KCNK15: variants seen among roughly 807,000 people sequenced by gnomAD.
KCNK15 encodes the protein potassium channel subfamily K member 15.
Under a neutral mutation model 8.5 loss-of-function variants are expected in KCNK15, and 9 were observed. The observed-to-expected ratio is 1.06, with a 90% CI of 0.64 to 1.85. KCNK15 has a LOEUF of 1.85. KCNK15 is among the 40% of genes most tolerant of loss of function. KCNK15 has a pLI of 0.00. For synonymous variants in KCNK15, 224 were observed against 232.7 expected, an observed-to-expected ratio of 0.96 and a Z score of 0.34; for missense variants, 467 against 476.8, an observed-to-expected ratio of 0.98 and a Z score of 0.19.
chr20:44,748,222 C>G (rs1460410100), intron 1 of KCNK15, among the ~76,000 whole-genome samples: 2 of 152,070 alleles, frequency 1.3e-5, no homozygotes, highest in African/African-American at 4.8e-5. Context: ...TGGTTTGATT[C>G]AATAAACTCT....
chr20:44,748,649 C>T (rs190347334), intron 1 of KCNK15, among the ~76,000 whole-genome samples: 43 of 152,274 alleles, frequency 2.8e-4, no homozygotes, highest in African/African-American at 9.9e-4. Context: ...AGACGTTATA[C>T]ACACAGTTTT....
rs745470934 is a variant in KCNK15 at position 44,750,134 on chromosome 20, G to C, written c.289G>C (p.Gly97Arg). 1 of 1,606,376 alleles carries C rather than the reference G, an allele frequency of 6.2e-7. No homozygotes were observed. The highest frequency in any genetic ancestry group is 1.7e-5 in the Admixed American group (1 of 59,858). The change falls in exon 2 of 2, where the codon GGC becomes CGC. Residue 97 changes from glycine (G) to arginine (R), a missense_variant. Transcript: ENST00000372861. ...AITVITTIEY[G>R]HAAPGTDSGK... ...CCTCCGCTCTCCCTGCATAGAGTAC[G>C]GCCACGCCGCGCCGGGTACGGACTC...
chr20:44,748,351 C>A (rs2066015907), intron 1 of KCNK15, among the ~76,000 whole-genome samples: 1 of 152,082 alleles, frequency 6.6e-6, no homozygotes, highest in African/African-American at 2.4e-5. Flanking sequence ...CCCTTTCTCC[C>A]AAAAGTAACA....
In KCNK15 at chr20:44,750,258, G is replaced by A. The variant is rs749065646; in HGVS notation, c.413G>A (p.Arg138His). ...LGERLNAVVR[R>H]LLLAAKCCLG... ...GAACGGCTGAACGCGGTGGTGCGGC[G>A]CCTCCTGTTGGCGGCCAAGTGCTGC... Residue 138 changes from arginine to histidine, a missense_variant, in exon 2 of 2, where the codon CGC (arginine) becomes CAC (histidine). Around this residue, in one of 2 missense-constraint regions of KCNK15, gnomAD observed 455 missense variants for 441.2 expected, o/e 1.03. Coordinates refer to ENST00000372861, the MANE Select transcript of KCNK15 (RefSeq NM_022358.4). 6.2e-7 allele frequency: 1 copy of A among 1,607,022 alleles called. No homozygotes were observed. Among genetic ancestry groups the A allele is most frequent in the Non-Finnish European group, 8.5e-7 (1 of 1,177,578 alleles).
intron 1 of KCNK15, among the ~76,000 whole-genome samples, chr20:44,749,170 C>T (rs1020825319): frequency 5.3e-5 from 8 of 152,154 alleles, no homozygotes; most frequent in African/African-American, 1.9e-4. Context: ...TACTTTTTGG[C>T]AGGTAGGGCC....
At chr20:44,749,562 G>T (rs2066020309) in intron 1 of KCNK15, among the ~76,000 whole-genome samples, 1 of 152,046 alleles carries the variant, frequency 6.6e-6, no homozygotes, top group Admixed American at 6.6e-5. Context: ...TTTCATCAAG[G>T]CATAATTTAC....
rs1487555815 is a variant in KCNK15 at position 44,751,681 on chromosome 20, G to C, written c.*843G>C. 3 of 152,164 alleles carry C rather than the reference G, an allele frequency of 2.0e-5. No individual in the cohort carries two copies. The highest frequency in any genetic ancestry group is 4.8e-5 in the African/African-American group (2 of 41,394). 9.4% of individuals were successfully genotyped at this position (152,164 alleles called of 1,614,324 possible). Reference sequence around the variant, plus strand: ...ATCTCTGGCAGGACTTTCTGGAACAGGCCCCTGCACCATAAGGGGGCAGAG... The same window carrying C: ...ATCTCTGGCAGGACTTTCTGGAACACGCCCCTGCACCATAAGGGGGCAGAG... On this transcript the variant is annotated 3_prime_UTR_variant, in exon 2 of 2. Coordinates refer to ENST00000372861, the MANE Select transcript of KCNK15 (RefSeq NM_022358.4).
chr20:44,750,820 C>G lies in KCNK15; in HGVS notation c.975C>G (p.Ala325=). The G allele has an allele frequency of 1.4e-6, 2 of 1,469,400 alleles. No individual in the cohort carries two copies. The highest frequency in any genetic ancestry group is 2.4e-5 in the Admixed American group (1 of 42,544). The allele number at this position is 1,469,400 out of a possible 1,614,324, so 91.0% of individuals were successfully genotyped here. The change falls in exon 2 of 2, where the codon GCC becomes GCG. Residue 325 remains alanine, a synonymous_variant. Transcript: ENST00000372861. ...VRGGQAPRLG[A]RWKSI is the part of the protein sequence containing the mutation. Reference sequence around the variant, plus strand: ...GCGGGCAGGCTCCCAGGCTTGGGGCCCGGTGGAAGTCCATCTGACAACCCC... The same window carrying G: ...GCGGGCAGGCTCCCAGGCTTGGGGCGCGGTGGAAGTCCATCTGACAACCCC...
Position 44,751,159 on chromosome 20 carries a change from ACTTTTCTGTTGTGAAGAGG to A in KCNK15, c.*324_*342del. The A allele has an allele frequency of 4.6e-6, 1 of 216,104 alleles. No homozygotes were observed. Among genetic ancestry groups the A allele is most frequent in the Non-Finnish European group, 9.0e-6 (1 of 110,528 alleles). The allele number at this position is 216,104 out of a possible 1,614,324, so 13.4% of individuals were successfully genotyped here. A position where few individuals can be genotyped will look rare whatever the true frequency, so the allele number is the denominator to read the frequency against. Reference sequence around the variant, plus strand: ...ACCTCAGAGCCGACCCTCCAGAGCAACTTTTCTGTTGTGAAGAGGCTGGTTTTCTGAGTAACGGTTGAAA... The same window carrying A: ...ACCTCAGAGCCGACCCTCCAGAGCAACTGGTTTTCTGAGTAACGGTTGAAA... On this transcript the variant is annotated 3_prime_UTR_variant, in exon 2 of 2. Transcript: ENST00000372861.
In KCNK15 at chr20:44,750,813, T is replaced by C. The variant is rs13042905; in HGVS notation, c.968T>C (p.Leu323Pro). 0.51 allele frequency: 756,072 copies of C among 1,474,984 alleles called. 196,943 individuals carry two copies. The highest frequency in any genetic ancestry group is 0.73 in the African/African-American group (50,543 of 69,430). The allele number at this position is 1,474,984 out of a possible 1,614,324, so 91.4% of individuals were successfully genotyped here. A position where few individuals can be genotyped will look rare whatever the true frequency, so the allele number is the denominator to read the frequency against. ...GVVRGGQAPR[L>P]GARWKSI ...GTGCGTGGCGGGCAGGCTCCCAGGC[T>C]TGGGGCCCGGTGGAAGTCCATCTGA... Residue 323 changes from leucine (L) to proline (P), a missense_variant, in exon 2 of 2, where the codon CTT (leucine) becomes CCT (proline). By Grantham distance (98) the Leu-to-Pro change is moderately conservative (BLOSUM62 -3). Around this residue, in one of 2 missense-constraint regions of KCNK15, gnomAD observed 455 missense variants for 441.2 expected, o/e 1.03. Coordinates refer to ENST00000372861, the MANE Select transcript of KCNK15 (RefSeq NM_022358.4).
rs1206355915 is a variant in KCNK15, at chr20:44,752,039, G to C, written c.*1201G>C. The C allele has an allele frequency of 2.0e-5, 3 of 152,284 alleles. No individual in the cohort carries two copies. Among genetic ancestry groups the C allele is most frequent in the Non-Finnish European group, 4.4e-5 (3 of 68,136 alleles). The allele number at this position is 152,284 out of a possible 1,614,324, so 9.4% of individuals were successfully genotyped here. On this transcript the variant is annotated 3_prime_UTR_variant, in exon 2 of 2. Transcript: ENST00000372861. ...CCCGTCCAGGAAGCAGTCATAAAGTGAAAGGGCTCCAGAGGTGATGCTCAC... is the reference window on the plus strand; with the variant it reads ...CCCGTCCAGGAAGCAGTCATAAAGTCAAAGGGCTCCAGAGGTGATGCTCAC...
rs577532668 is a variant in KCNK15 at position 44,751,799 on chromosome 20, C to A, written c.*961C>A. The A allele has an allele frequency of 6.6e-6, 1 of 152,314 alleles. No homozygotes were observed. The highest frequency in any genetic ancestry group is 2.1e-4 in the South Asian group (1 of 4,824). 9.4% of individuals were successfully genotyped at this position (152,314 alleles called of 1,614,324 possible). A position where few individuals can be genotyped will look rare whatever the true frequency, so the allele number is the denominator to read the frequency against. ...GGGCTGTCTCAACACAAAGCATGAA[C>A]GAGCCAGGTTAGAAAAGCCAAAAAC... is the stretch of plus-strand genomic sequence containing the variant. On this transcript the variant is annotated 3_prime_UTR_variant, in exon 2 of 2. Transcript: ENST00000372861.
intron 1 of KCNK15, among the ~76,000 whole-genome samples, chr20:44,747,627 G>C (rs62204582): frequency 6.6e-6 from 1 of 152,194 alleles, no homozygotes. Context: ...TCTGAGGTAC[G>C]TCTGGGAGGC....
chr20:44,747,471 C>T (rs183981861), intron 1 of KCNK15, among the ~76,000 whole-genome samples: 1 of 152,240 alleles, frequency 6.6e-6, no homozygotes, highest in African/African-American at 2.4e-5. Context: ...ACATGGACAC[C>T]CCTGCTTCCT....
rs2066007691 is a variant in KCNK15, at chr20:44,746,318, C to A, written c.283+125C>A. On this transcript the variant is annotated intron_variant, in intron 1 of 1. Coordinates refer to ENST00000372861, the MANE Select transcript of KCNK15 (RefSeq NM_022358.4). ...ACTTTGGACGGGTCATTTCGGCTCACCGAGCCTCCCTCATCTCCTTCGCCT... is the reference window on the plus strand; with the variant it reads ...ACTTTGGACGGGTCATTTCGGCTCAACGAGCCTCCCTCATCTCCTTCGCCT... The A allele has an allele frequency of 5.9e-6, 5 of 842,544 alleles. No homozygotes were observed. In the South Asian group the frequency reaches 2.0e-4, roughly 34 times the overall value. 52.2% of individuals were successfully genotyped at this position (842,544 alleles called of 1,614,324 possible). A position where few individuals can be genotyped will look rare whatever the true frequency, so the allele number is the denominator to read the frequency against.
chr20:44,750,649 G>A lies in KCNK15; in HGVS notation c.804G>A (p.Ala268=). Residue 268 remains alanine, a synonymous_variant, in exon 2 of 2, where the codon GCG becomes GCA. Coordinates refer to ENST00000372861, the MANE Select transcript of KCNK15 (RefSeq NM_022358.4). The stretch of plus-strand genomic sequence containing the variant: ...CCCCCAGCCCGCGCCCCCCGGGGGC[G>A]CCCGAGAGCCGTGGCCTCTGGCTGC... ...ARTPSPRPPG[A]PESRGLWLPR... 2 of 1,509,872 alleles carry A rather than the reference G, an allele frequency of 1.3e-6. No homozygotes were observed. Among genetic ancestry groups the A allele is most frequent in the Non-Finnish European group, 1.8e-6 (2 of 1,139,336 alleles). 93.5% of individuals were successfully genotyped at this position (1,509,872 alleles called of 1,614,324 possible).
intron 1 of KCNK15, 54 bp downstream of exon 1, chr20:44,746,247 G>A (rs952643335): frequency 1.7e-5 from 23 of 1,339,860 alleles, no homozygotes; most frequent in Non-Finnish European, 2.2e-5. Flanking sequence ...CCGTCCCGGG[G>A]CGCCTCTGGG....
chr20:44,748,776 T>C (rs1601009494), intron 1 of KCNK15, among the ~76,000 whole-genome samples: 1 of 152,226 alleles, frequency 6.6e-6, no homozygotes, highest in Non-Finnish European at 1.5e-5. Context: ...CATTTGGGGC[T>C]GTGGGGACTG....
At chr20:44,749,514 C>T (rs976923547) in intron 1 of KCNK15, among the ~76,000 whole-genome samples, 6 of 151,944 alleles carry the variant, frequency 3.9e-5, no homozygotes, top group Admixed American at 2.0e-4. Flanking sequence ...GGAAGCAGCT[C>T]GGGGTGTAGC....
Sources: gnomAD v4.1 joint callset for allele counts (sites outside exome capture counted in the v4.1 genomes callset) on GRCh38, gnomAD v4.1.1 for gene constraint, gnomAD v4.1.1 regional missense constraint, MANE v1.5 for transcripts, NCBI Gene and HGNC (gene_info 2026-07-23, HGNC 2026-07-21) for gene names.